The following CFAP43 variants were observed in gnomAD, a reference collection of about 807,000 sequenced individuals.
CFAP43 encodes the protein cilia- and flagella-associated protein 43.
Under a neutral mutation model 218.9 loss-of-function variants are expected in CFAP43, and 155 were observed. The ratio of observed to expected loss-of-function variants is 0.71; its 90% CI spans 0.62 to 0.81. The LOEUF is 0.81. Ranked by LOEUF, CFAP43 falls within the 30% of genes least tolerant of loss-of-function variation. The pLI, the probability that CFAP43 is intolerant of heterozygous loss-of-function variation, is 0.00. For synonymous variants in CFAP43, 645 were observed against 681.3 expected (o/e 0.95, Z 0.83); for missense variants, 1,778 against 1,954.3 (o/e 0.91, Z 1.70).
rs1358291297 is a variant in CFAP43, at chr10:104,147,918, G to A, written c.3741C>T (p.Asn1247=). The stretch of plus-strand genomic sequence containing the variant: ...TCTCGTGCTGTTTCCTTGTAAGGTA[G>A]TTGTTCAGGAATTTTTCTCTAGAGC... ...ELSSREKFLN[N]YLTRKQHEKS... The change falls in exon 29 of 38, where the codon AAC becomes AAT. Residue 1247 remains asparagine (N), a synonymous_variant. Coordinates refer to ENST00000357060, the MANE Select transcript of CFAP43 (RefSeq NM_025145.7). The A allele has an allele frequency of 6.2e-7, 1 of 1,600,106 alleles. No homozygotes were observed. Among genetic ancestry groups the A allele is most frequent in the Admixed American group, 1.7e-5 (1 of 57,200 alleles).
At chr10:104,185,284 G>T in intron 15 of CFAP43, 138 bp from the exon 16 acceptor site, 2 of 1,044,592 alleles carry the variant, frequency 1.9e-6, no homozygotes, top group Non-Finnish European at 2.8e-6. Flanking sequence ...TATGGAAGTA[G>T]GCAATTGGCA....
intron 20 of CFAP43, among the ~76,000 whole-genome samples, chr10:104,169,174 G>A (rs952712211): frequency 7.2e-5 from 11 of 152,228 alleles, no homozygotes; most frequent in African/African-American, 2.7e-4. Context: ...GAGCTGCGTA[G>A]CTAATGTGCA....
In CFAP43 at chr10:104,203,746, G is replaced by C. The variant is rs1262517736; in HGVS notation, c.1021C>G (p.Leu341Val). The stretch of plus-strand genomic sequence containing the variant: ...TGTTCTACAGGTCTTTCAATCTCAA[G>C]AAAATCCTCGATCATGTAACTTCTA... ...KDRSYMIEDF[L>V]EIERPVEHMT... The change falls in exon 8 of 38, where the codon CTT (leucine) becomes GTT (valine). Residue 341 changes from leucine (L) to valine (V), a missense_variant. By Grantham distance (32) the Leu-to-Val change is conservative. Around this residue, in one of 3 missense-constraint regions of CFAP43, gnomAD observed 1,553 missense variants for 1,685.2 expected, o/e 0.92. Coordinates refer to ENST00000357060, the MANE Select transcript of CFAP43 (RefSeq NM_025145.7). 6.2e-7 allele frequency: 1 copy of C among 1,610,572 alleles called. No individual in the cohort carries two copies. Among genetic ancestry groups the C allele is most frequent in the Admixed American group, 1.7e-5 (1 of 59,602 alleles).
At chr10:104,185,384 G>T (rs2089998108) in intron 15 of CFAP43, among the ~76,000 whole-genome samples, 1 of 152,072 alleles carries the variant, frequency 6.6e-6, no homozygotes, top group Admixed American at 6.6e-5. Context: ...GAAGGACAGG[G>T]ATTATTATCA....
chr10:104,152,740 A>G lies in CFAP43; in HGVS notation c.3541-14T>C. The G allele has an allele frequency of 6.2e-7, 1 of 1,601,686 alleles. No individual in the cohort carries two copies. Among genetic ancestry groups the G allele is most frequent in the Non-Finnish European group, 8.5e-7 (1 of 1,176,826 alleles). On this transcript the variant is annotated splice_polypyrimidine_tract_variant and intron_variant, in intron 27 of 37. Coordinates refer to ENST00000357060, the MANE Select transcript of CFAP43 (RefSeq NM_025145.7). ...TGCTTCTAATGACTAAAAGGAAAAC[A>G]ATAGTAAAGTTAACGTTTAAGAGTA...
At chr10:104,153,181 A>G (rs1248253739) in intron 27 of CFAP43, among the ~76,000 whole-genome samples, 2 of 152,186 alleles carry the variant, frequency 1.3e-5, no homozygotes, top group Non-Finnish European at 2.9e-5. Flanking sequence ...ATATATTTGT[A>G]CTCTCTTGTT....
chr10:104,217,070 C>T (rs11191951), intron 3 of CFAP43, among the ~76,000 whole-genome samples: 20,840 of 152,228 alleles, frequency 0.14, 1,498 homozygotes, highest in South Asian at 0.21. Context: ...TGTTTATCTC[C>T]AGCCCTCTCT....
chr10:104,203,943 C>T, intron 7 of CFAP43, 140 bp from the exon 8 acceptor site: 1 of 672,706 alleles, frequency 1.5e-6, no homozygotes, highest in Non-Finnish European at 2.2e-6. Flanking sequence ...GATGCACTGT[C>T]CTCTCATCTT....
intron 27 of CFAP43, among the ~76,000 whole-genome samples, chr10:104,154,729 T>C (rs936102542): frequency 1.1e-4 from 16 of 152,334 alleles, no homozygotes; most frequent in African/African-American, 3.8e-4. Context: ...TTTTGTAGTG[T>C]AAAATGGCCC....
chr10:104,198,126 G>A, intron 8 of CFAP43, 88 bp from the exon 9 acceptor site: 1 of 732,394 alleles, frequency 1.4e-6, no homozygotes, highest in Non-Finnish European at 2.3e-6. Context: ...CTGTAACCAA[G>A]GCTCTATGTG....
At chr10:104,220,273 G>T (rs749954040) in intron 3 of CFAP43, among the ~76,000 whole-genome samples, 2 of 152,176 alleles carry the variant, frequency 1.3e-5, no homozygotes, top group Non-Finnish European at 2.9e-5. Flanking sequence ...CTTGATCTCA[G>T]AATTCTAGTC....
chr10:104,143,908 A>T (rs1341422192), intron 31 of CFAP43, among the ~76,000 whole-genome samples: 1 of 152,210 alleles, frequency 6.6e-6, no homozygotes, highest in Non-Finnish European at 1.5e-5. Flanking sequence ...GCTAGGACAC[A>T]TTTCCTTTCT....
intron 5 of CFAP43, among the ~76,000 whole-genome samples, chr10:104,210,860 G>A (rs1023337991): frequency 3.1e-4 from 40 of 129,314 alleles, no homozygotes; most frequent in Non-Finnish European, 5.2e-4. Context: ...GCGTGATCTC[G>A]ACTCACTGCA....
chr10:104,167,718 A>T lies in CFAP43; in HGVS notation c.2711T>A (p.Val904Glu). ...RALKCFHIPC[V>E]VENFPMKART... Reference sequence around the variant, plus strand: ...CGCTTTCATCGGGAAGTTTTCAACCACACAGGGGATATGAAAACACTTGGG... The same window carrying T: ...CGCTTTCATCGGGAAGTTTTCAACCTCACAGGGGATATGAAAACACTTGGG... The change falls in exon 22 of 38, where the codon GTG becomes GAG. Residue 904 changes from valine (V) to glutamate (E), a missense_variant. This residue lies in a region of CFAP43 where 1,553 missense variants were observed against 1,685.2 expected (regional missense o/e 0.92). Transcript: ENST00000357060. 1 of 1,608,118 alleles carries T rather than the reference A, an allele frequency of 6.2e-7. No individual in the cohort carries two copies. The highest frequency in any genetic ancestry group is 8.5e-7 in the Non-Finnish European group (1 of 1,178,386).
At chr10:104,215,473 TC>T (rs558627575) in intron 3 of CFAP43, among the ~76,000 whole-genome samples, 174 of 152,228 alleles carry the variant, frequency 1.1e-3, no homozygotes, top group African/African-American at 4.1e-3. Flanking sequence ...GTTCCCTTGA[TC>T]CTTTGACTTT....
chr10:104,230,894 T>C (rs775965461), intron 1 of CFAP43, 51 bp from the exon 2 acceptor site: 7 of 1,513,260 alleles, frequency 4.6e-6, no homozygotes, highest in Non-Finnish European at 6.2e-6. Flanking sequence ...AAATACTTTT[T>C]TTTTTTTAAC....
rs1022598947 is a variant in CFAP43, at chr10:104,230,747, T to C, written c.162A>G (p.Glu54=). Residue 54 remains glutamate, a synonymous_variant, in exon 2 of 38, where the codon GAA becomes GAG. Transcript: ENST00000357060. ...ACTGCAGTACAGTCTTTTTCTTGGT[T>C]TCAATATTAATAAATATTACATAAT... The part of the protein sequence containing the change: ...CGNYVIFINI[E]TKKKTVLQCS... 2 of 1,613,968 alleles carry C rather than the reference T, an allele frequency of 1.2e-6. No individual in the cohort carries two copies. The highest frequency in any genetic ancestry group is 1.7e-6 in the Non-Finnish European group (2 of 1,179,998).
At chr10:104,161,010 G>C (rs756978783) in intron 27 of CFAP43, 27 bp downstream of exon 27, 1 of 1,580,300 alleles carries the variant, frequency 6.3e-7, no homozygotes, top group Non-Finnish European at 8.7e-7. Flanking sequence ...GATATGGTAG[G>C]TTATATTAAT....
At position 104,168,864 on chromosome 10, in the gene CFAP43, C is replaced by G. The variant is rs2089291496; in HGVS notation, c.2587-16G>C. ...CCTTTATCATCTTGAAGAACACAGA[C>G]AAAGGGAAAAGATAAAAATGAAAGT... On this transcript the variant is annotated splice_polypyrimidine_tract_variant and intron_variant, in intron 20 of 37. Coordinates refer to ENST00000357060, the MANE Select transcript of CFAP43 (RefSeq NM_025145.7). 6.3e-7 allele frequency: 1 copy of G among 1,577,686 alleles called. No homozygotes were observed.
Sources: allele counts gnomAD v4.1 joint callset (sites outside exome capture counted in the v4.1 genomes callset), GRCh38; gene constraint gnomAD v4.1.1; regional missense constraint gnomAD v4.1.1; transcripts MANE v1.5; gene names NCBI Gene and HGNC (gene_info 2026-07-23, HGNC 2026-07-21).